The following IMPG1 variants were observed in gnomAD, a reference collection of about 807,000 sequenced individuals.
IMPG1 encodes the protein interphotoreceptor matrix proteoglycan 1, also known as interphotoreceptor matrix proteoglycan of 150 kDa.
A neutral mutation model predicts 92.0 loss-of-function variants in IMPG1; 85 were observed. That is an observed-to-expected ratio of 0.92 (90% CI 0.78 to 1.11). The LOEUF (loss-of-function observed/expected upper bound fraction) is 1.11, where lower values mean the gene tolerates loss of function less well. Ranked by LOEUF, IMPG1 falls within the 50% of genes least tolerant of loss-of-function variation. The probability of loss-of-function intolerance (pLI) is 0.00; values close to 1 mark genes in which losing one functional copy is unlikely to be tolerated. For synonymous variants in IMPG1, 367 were observed against 334.1 expected, an observed-to-expected ratio of 1.10 and a Z score of -1.08; for missense variants, 1,022 against 956.0, an observed-to-expected ratio of 1.07 and a Z score of -0.91.
At chr6:75,998,717 C>T (rs575875463) in intron 12 of IMPG1, among the ~76,000 whole-genome samples, 18 of 152,214 alleles carry the variant, frequency 1.2e-4, no homozygotes, top group Admixed American at 3.3e-4. Flanking sequence ...AATGTATTGC[C>T]GCCTACACGT....
chr6:76,022,052 C>T, intron 6 of IMPG1, 64 bp downstream of exon 6: 2 of 854,328 alleles, frequency 2.3e-6, no homozygotes, highest in Admixed American at 3.6e-5. Context: ...ATTCTCTTTT[C>T]CTGTTTTGCT....
rs376813555 is a variant in IMPG1, at chr6:75,965,756, T to C, written c.1292-14662A>G. ...CTGAGTAGCCGGGACTACAGGCGCC[T>C]GCCATCACGCCCAGCTAATTTTTTG... is the stretch of plus-strand genomic sequence containing the variant. On this transcript the variant is annotated intron_variant, in intron 12 of 16. Coordinates refer to ENST00000369950, the MANE Select transcript of IMPG1 (RefSeq NM_001563.4). 9.0e-3 allele frequency among the ~76,000 whole-genome samples: 1,370 copies of C among 152,130 alleles called. 16 individuals carry two copies. The highest frequency in any genetic ancestry group is 0.028 in the African/African-American group (1,170 of 41,512).
intron 1 of IMPG1, among the ~76,000 whole-genome samples, chr6:76,045,607 G>A (rs1436929756): frequency 1.3e-5 from 2 of 151,780 alleles, no homozygotes; most frequent in African/African-American, 4.8e-5. Flanking sequence ...CTAGAGATGA[G>A]GTGAGAGATC....
chr6:75,949,731 A>G (rs1333433190), intron 13 of IMPG1, among the ~76,000 whole-genome samples: 1 of 152,066 alleles, frequency 6.6e-6, no homozygotes, highest in African/African-American at 2.4e-5. Context: ...ACCTCATTAT[A>G]AATGGTGTGG....
chr6:75,929,971 G>C (rs1035769019), intron 15 of IMPG1, among the ~76,000 whole-genome samples: 1 of 151,992 alleles, frequency 6.6e-6, no homozygotes, highest in Non-Finnish European at 1.5e-5. Flanking sequence ...ATGAATGTAT[G>C]AGTTTGTGTT....
At chr6:76,018,966 T>C (rs1289877099) in intron 6 of IMPG1, 108 bp from the exon 7 acceptor site, 1 of 1,027,256 alleles carries the variant, frequency 9.7e-7, no homozygotes, top group East Asian at 2.9e-5. Context: ...TTATGAAGGC[T>C]TAAGTGTTTT....
chr6:75,938,019 A>G (rs1252305513), intron 14 of IMPG1, among the ~76,000 whole-genome samples: 2 of 152,256 alleles, frequency 1.3e-5, no homozygotes, highest in African/African-American at 4.8e-5. Context: ...TGCTGGCAGA[A>G]TACTGAGCAA....
intron 4 of IMPG1, among the ~76,000 whole-genome samples, chr6:76,032,036 C>T (rs962587038): frequency 3.9e-5 from 6 of 152,142 alleles, no homozygotes; most frequent in African/African-American, 1.4e-4. Flanking sequence ...TTTGTTTTGT[C>T]TTCTTGGAAA....
At chr6:75,964,634 G>A (rs1303505515) in intron 12 of IMPG1, among the ~76,000 whole-genome samples, 3 of 136,444 alleles carry the variant, frequency 2.2e-5, no homozygotes, top group Admixed American at 8.1e-5. Flanking sequence ...CTGAGATGGC[G>A]CCACTGCACT....
At chr6:76,004,904 T>C (rs772831494) in intron 10 of IMPG1, among the ~76,000 whole-genome samples, 4 of 152,150 alleles carry the variant, frequency 2.6e-5, no homozygotes, top group South Asian at 2.1e-4. Context: ...CTCCTCAAAT[T>C]ATACTAATTT....
intron 12 of IMPG1, among the ~76,000 whole-genome samples, chr6:75,967,003 A>T (rs1782318161): frequency 6.6e-6 from 1 of 151,938 alleles, no homozygotes; most frequent in Non-Finnish European, 1.5e-5. Context: ...CATGGCGAAA[A>T]CCCATCTCTA....
intron 14 of IMPG1, among the ~76,000 whole-genome samples, chr6:75,933,855 T>C (rs1471060188): frequency 6.6e-6 from 1 of 152,222 alleles, no homozygotes; most frequent in Middle Eastern, 3.2e-3. Flanking sequence ...ACATGTGTCT[T>C]CAATAATATT....
chr6:75,964,138 C>T (rs1235337026), intron 12 of IMPG1, among the ~76,000 whole-genome samples: 2 of 152,108 alleles, frequency 1.3e-5, no homozygotes, highest in Admixed American at 6.6e-5. Flanking sequence ...CCGTAAGGAC[C>T]TAAGAATGCA....
chr6:76,012,880 G>T (rs1412984073), intron 7 of IMPG1, among the ~76,000 whole-genome samples: 1 of 152,086 alleles, frequency 6.6e-6, no homozygotes, highest in African/African-American at 2.4e-5. Flanking sequence ...CTCAGACAGG[G>T]TCATGAACCC....
At chr6:76,017,990 G>A (rs533128960) in intron 7 of IMPG1, among the ~76,000 whole-genome samples, 1 of 152,086 alleles carries the variant, frequency 6.6e-6, no homozygotes, top group African/African-American at 2.4e-5. Context: ...TGATCCACCC[G>A]CCTCAGCCTC....
At chr6:76,000,424 C>G (rs919454488) in intron 12 of IMPG1, among the ~76,000 whole-genome samples, 1 of 152,170 alleles carries the variant, frequency 6.6e-6, no homozygotes, top group South Asian at 2.1e-4. Context: ...ATTTTCTCTT[C>G]CATTTTTCTT....
chr6:76,023,088 C>T (rs929985597), intron 5 of IMPG1, among the ~76,000 whole-genome samples: 1 of 152,102 alleles, frequency 6.6e-6, no homozygotes, highest in Non-Finnish European at 1.5e-5. Flanking sequence ...AAGTAATTGC[C>T]CTGGGTGTGG....
intron 1 of IMPG1, among the ~76,000 whole-genome samples, chr6:76,043,204 T>TA (rs921252618): frequency 8.7e-5 from 13 of 149,660 alleles, no homozygotes; most frequent in Non-Finnish European, 7.4e-5. Context: ...ATTCTACCAT[T>TA]AAAAAAAAAA....
intron 14 of IMPG1, among the ~76,000 whole-genome samples, chr6:75,942,073 G>T (rs1168291267): frequency 6.6e-6 from 1 of 152,148 alleles, no homozygotes; most frequent in Admixed American, 6.6e-5. Context: ...GGGTGAAAGG[G>T]TAAGAAATCC....
Sources: gnomAD v4.1 joint callset for allele counts (sites outside exome capture counted in the v4.1 genomes callset) on GRCh38, gnomAD v4.1.1 for gene constraint, MANE v1.5 for transcripts, NCBI Gene and HGNC (gene_info 2026-07-23, HGNC 2026-07-21) for gene names.